SH3RF3: variants seen among roughly 807,000 people sequenced by gnomAD.
The protein encoded by SH3RF3 is E3 ubiquitin-protein ligase SH3RF3.
A neutral mutation model predicts 66.3 loss-of-function variants in SH3RF3; 29 were observed. The ratio of observed to expected loss-of-function variants is 0.44; its 90% CI spans 0.33 to 0.60. The LOEUF (loss-of-function observed/expected upper bound fraction) is 0.60, where lower values mean the gene tolerates loss of function less well. SH3RF3 is among the 20% of genes least tolerant of loss of function. The pLI is 0.04. For missense variants in SH3RF3, 1,194 were observed against 1,190.9 expected, an observed-to-expected ratio of 1.00 and a Z score of -0.04; for synonymous variants, 583 against 532.0, an observed-to-expected ratio of 1.10 and a Z score of -1.32.
intron 1 of SH3RF3, among the ~76,000 whole-genome samples, chr2:109,235,290 G>T (rs956660679): frequency 5.3e-5 from 8 of 152,242 alleles, no homozygotes; most frequent in African/African-American, 1.9e-4. Flanking sequence ...TCACTGCAAG[G>T]TCTTTCTTCT....
chr2:109,432,428 C>T, intron 5 of SH3RF3, 73 bp from the exon 6 acceptor site: 2 of 1,570,324 alleles, frequency 1.3e-6, no homozygotes, highest in East Asian at 2.4e-5. Flanking sequence ...GACAACCTCC[C>T]CCCAGGAATG....
intron 1 of SH3RF3, among the ~76,000 whole-genome samples, chr2:109,154,538 A>G (rs1429406972): frequency 6.6e-6 from 1 of 152,192 alleles, no homozygotes; most frequent in Non-Finnish European, 1.5e-5. Context: ...GAAGAAACCA[A>G]GGCTCCCTAA....
chr2:109,419,579 C>T lies in SH3RF3; in HGVS notation c.1340C>T (p.Pro447Leu). ...GCGGGATCTACCCCCACGGCTGTCC[C>T]ACGGGCTGCCTCGGTGTCTGGAGAG... ...SSAGSTPTAV[P>L]RAASVSGEQG... Residue 447 changes from proline (P) to leucine (L), a missense_variant, in exon 5 of 10, where the codon CCA (proline) becomes CTA (leucine). By Grantham distance (98) the Pro-to-Leu change is moderately conservative (BLOSUM62 -3). Transcript: ENST00000309415. 6.3e-7 allele frequency: 1 copy of T among 1,598,744 alleles called. No homozygotes were observed. Among genetic ancestry groups the T allele is most frequent in the Non-Finnish European group, 8.5e-7 (1 of 1,173,686 alleles).
At chr2:109,298,466 C>A (rs1368500345) in intron 1 of SH3RF3, among the ~76,000 whole-genome samples, 3 of 152,078 alleles carry the variant, frequency 2.0e-5, no homozygotes. Flanking sequence ...AGGGAAAAAC[C>A]ATTTCTGAGC....
chr2:109,464,728 T>G (rs1249966408), intron 8 of SH3RF3, among the ~76,000 whole-genome samples: 2 of 152,238 alleles, frequency 1.3e-5, no homozygotes, highest in African/African-American at 2.4e-5. Context: ...ATATACTCCC[T>G]GCTCCCACAC....
At chr2:109,287,030 C>G (rs372234043) in intron 1 of SH3RF3, among the ~76,000 whole-genome samples, 146 of 152,312 alleles carry the variant, frequency 9.6e-4, no homozygotes, top group African/African-American at 3.2e-3. Context: ...CTGCACTGCT[C>G]TTCCCTCTCA....
At chr2:109,440,042 A>G (rs549997952) in intron 7 of SH3RF3, among the ~76,000 whole-genome samples, 1 of 152,372 alleles carries the variant, frequency 6.6e-6, no homozygotes, top group African/African-American at 2.4e-5. Flanking sequence ...CTGAGCAGAC[A>G]AAAGAGAAAG....
At chr2:109,288,278 G>A (rs1681085089) in intron 1 of SH3RF3, among the ~76,000 whole-genome samples, 1 of 152,196 alleles carries the variant, frequency 6.6e-6, no homozygotes, top group African/African-American at 2.4e-5. Context: ...AACTGTAATT[G>A]CTTTTGCATA....
intron 2 of SH3RF3, among the ~76,000 whole-genome samples, chr2:109,352,249 A>G (rs1682854256): frequency 6.6e-6 from 1 of 152,212 alleles, no homozygotes; most frequent in Non-Finnish European, 1.5e-5. Context: ...CTTCCGTCAG[A>G]TGGTACATAT....
At chr2:109,150,425 A>G (rs1677201761) in intron 1 of SH3RF3, among the ~76,000 whole-genome samples, 1 of 152,146 alleles carries the variant, frequency 6.6e-6, no homozygotes. Context: ...TGAGCCTGGA[A>G]CTACTCTGCT....
chr2:109,269,088 C>T (rs1003775170), intron 1 of SH3RF3, among the ~76,000 whole-genome samples: 5 of 152,126 alleles, frequency 3.3e-5, no homozygotes, highest in Non-Finnish European at 5.9e-5. Context: ...CATGGAGCCA[C>T]GAGGCACAAG....
chr2:109,333,691 A>G (rs950642606), intron 1 of SH3RF3, among the ~76,000 whole-genome samples: 4 of 152,196 alleles, frequency 2.6e-5, no homozygotes, highest in Admixed American at 6.5e-5. Flanking sequence ...AGAAGATAAG[A>G]GCACAAATTC....
chr2:109,231,027 C>G (rs1020244982), intron 1 of SH3RF3, among the ~76,000 whole-genome samples: 1 of 152,192 alleles, frequency 6.6e-6, no homozygotes, highest in African/African-American at 2.4e-5. Flanking sequence ...TGTCACAGTT[C>G]CTGAATGTCA....
intron 5 of SH3RF3, among the ~76,000 whole-genome samples, chr2:109,422,600 C>T (rs185270657): frequency 6.7e-5 from 6 of 89,218 alleles, no homozygotes; most frequent in Non-Finnish European, 2.5e-5. Context: ...CCTTTCCACC[C>T]CCTGCTGTGT....
At chr2:109,170,386 C>T (rs1438240658) in intron 1 of SH3RF3, among the ~76,000 whole-genome samples, 1 of 151,430 alleles carries the variant, frequency 6.6e-6, no homozygotes, top group Non-Finnish European at 1.5e-5. Context: ...TGTTCTGTTG[C>T]CCAGGCTGGA....
intron 5 of SH3RF3, among the ~76,000 whole-genome samples, chr2:109,422,763 CCT>C (rs1676916542): frequency 6.6e-6 from 1 of 152,140 alleles, no homozygotes; most frequent in South Asian, 2.1e-4. Flanking sequence ...GTAGGTTGCC[CCT>C]GATTTTGAAG....
intron 1 of SH3RF3, among the ~76,000 whole-genome samples, chr2:109,250,737 T>C (rs1167988362): frequency 6.6e-6 from 1 of 151,818 alleles, no homozygotes; most frequent in Admixed American, 6.6e-5. Flanking sequence ...ATTCAACTTC[T>C]ATGTTTGTTA....
intron 7 of SH3RF3, among the ~76,000 whole-genome samples, chr2:109,443,311 G>A (rs1390991673): frequency 6.6e-6 from 1 of 152,218 alleles, no homozygotes; most frequent in Non-Finnish European, 1.5e-5. Context: ...TGGCCTCAGA[G>A]CCAAAACTTT....
At position 109,161,810 on chromosome 2, in the gene SH3RF3, C is replaced by T. The variant is rs556927663; in HGVS notation, c.573+31697C>T. Among the ~76,000 whole-genome samples, 351 of 152,112 alleles carry T rather than the reference C, an allele frequency of 2.3e-3. 2 individuals carry two copies. Among genetic ancestry groups the T allele is most frequent in the African/African-American group, 7.9e-3 (327 of 41,498 alleles). ...CCCCCAGGGAGGGCATTAATCTATT[C>T]ATAGGGGATGCAAATACCTCCCATC... On this transcript the variant is annotated intron_variant, in intron 1 of 9. Transcript: ENST00000309415.
Sources: allele counts gnomAD v4.1 joint callset (sites outside exome capture counted in the v4.1 genomes callset), GRCh38; gene constraint gnomAD v4.1.1; transcripts MANE v1.5; gene names NCBI Gene and HGNC (gene_info 2026-07-23, HGNC 2026-07-21).